Variants in EDARADD observed in about 807,000 individuals in gnomAD.
EDARADD encodes EDAR associated via death domain.
A neutral mutation model predicts 25.6 loss-of-function variants in EDARADD; 20 were observed. That is an observed-to-expected ratio of 0.78 (90% CI 0.55 to 1.14). EDARADD has a LOEUF of 1.14. Ranked by LOEUF, EDARADD falls within the 50% of genes most tolerant of loss-of-function variation. EDARADD has a pLI of 0.00. For synonymous variants in EDARADD, 86 were observed against 94.4 expected (o/e 0.91, Z 0.52); for missense variants, 225 against 270.1 (o/e 0.83, Z 1.17).
chr1:236,393,758 T>C (rs1176263644), upstream of EDARADD, among the ~76,000 whole-genome samples: 2 of 152,190 alleles, frequency 1.3e-5, no homozygotes, highest in South Asian at 2.1e-4. Context: ...AAATAAAAGT[T>C]GAAGGACATT....
Position 236,483,845 on chromosome 1 carries a change from G to A in EDARADD, c.*1196G>A. On this transcript the variant is annotated 3_prime_UTR_variant, in exon 6 of 6. Transcript: ENST00000334232. ...AGAATAAAGAAGGCCTGGAGCTGCTGAAGACTGCGATTGGGAAAGCTGGCT... is the reference window on the plus strand; with the variant it reads ...AGAATAAAGAAGGCCTGGAGCTGCTAAAGACTGCGATTGGGAAAGCTGGCT... 3 of 1,420,938 alleles carry A rather than the reference G, an allele frequency of 2.1e-6. No homozygotes were observed. Among genetic ancestry groups the A allele is most frequent in the Non-Finnish European group, 3.0e-6 (3 of 1,006,240 alleles). The allele number at this position is 1,420,938 out of a possible 1,614,324, so 88.0% of individuals were successfully genotyped here.
chr1:236,484,448 C>T lies in EDARADD; in HGVS notation c.*1799C>T. 5 of 1,609,366 alleles carry T rather than the reference C, an allele frequency of 3.1e-6. No homozygotes were observed. Among genetic ancestry groups the T allele is most frequent in the Non-Finnish European group, 4.2e-6 (5 of 1,177,860 alleles). On this transcript the variant is annotated 3_prime_UTR_variant, in exon 6 of 6. Coordinates refer to ENST00000334232, the MANE Select transcript of EDARADD (RefSeq NM_145861.4). This position sits in a 1 kb window ranked among gnomAD's most constrained non-coding sequence, Gnocchi z 4.1. ...AGGCTAAGTTTGCCGGCAGGAACTT[C>T]AGAAACCCCCCAGCCAAGTAAGCTG...
intron 3 of EDARADD, among the ~76,000 whole-genome samples, chr1:236,381,536 T>A (rs114646551): frequency 0.014 from 2,145 of 152,100 alleles, 52 homozygotes; most frequent in African/African-American, 0.048. Context: ...ATCTCCCTTC[T>A]AGGCTTTTGA....
intron 3 of EDARADD, among the ~76,000 whole-genome samples, chr1:236,363,053 G>A (rs535447113): frequency 1.4e-4 from 16 of 116,930 alleles, no homozygotes; most frequent in Non-Finnish European, 2.2e-4. Context: ...TACAGACAGA[G>A]TCTTGCTATG....
chr1:236,475,241 C>T (rs554138495), intron 5 of EDARADD, among the ~76,000 whole-genome samples: 1 of 152,278 alleles, frequency 6.6e-6, no homozygotes, highest in Non-Finnish European at 1.5e-5. Context: ...CTTTCTCTCC[C>T]CTCTCCGAGG....
intron 4 of EDARADD, among the ~76,000 whole-genome samples, chr1:236,454,193 A>C: frequency 6.6e-6 from 1 of 152,072 alleles, no homozygotes; most frequent in African/African-American, 2.4e-5. Context: ...CTACAGGCGT[A>C]TGCTACCACA....
At chr1:236,467,390 TCTC>T (rs1282948428) in intron 4 of EDARADD, among the ~76,000 whole-genome samples, 5 of 150,564 alleles carry the variant, frequency 3.3e-5, no homozygotes, top group African/African-American at 7.3e-5. Context: ...CTGGGACTGG[TCTC>T]CTCTGCTGAC....
chr1:236,456,290 C>T (rs1424800516), intron 4 of EDARADD, among the ~76,000 whole-genome samples: 1 of 152,172 alleles, frequency 6.6e-6, no homozygotes, highest in Admixed American at 6.5e-5. Context: ...ATTTACCTAC[C>T]TTCCCAGCAG....
intron 3 of EDARADD, among the ~76,000 whole-genome samples, chr1:236,357,485 A>G (rs1414377864): frequency 6.6e-6 from 1 of 152,168 alleles, no homozygotes; most frequent in Non-Finnish European, 1.5e-5. Flanking sequence ...GCATTACTAT[A>G]AAGAAATACC....
chr1:236,471,877 CG>C lies in EDARADD; in HGVS notation c.265+3602del, dbSNP rs1409500155. On this transcript the variant is annotated intron_variant, in intron 5 of 5. Coordinates refer to ENST00000334232, the MANE Select transcript of EDARADD (RefSeq NM_145861.4). ...CTGCTGCCAACATCCTGACTGGAGCCGTTTCTACGCCTAACTAATCATGACG... is the reference window on the plus strand; with the variant it reads ...CTGCTGCCAACATCCTGACTGGAGCCTTTCTACGCCTAACTAATCATGACG... Among the ~76,000 whole-genome samples the C allele has an allele frequency of 2.6e-5, 4 of 152,234 alleles. No individual in the cohort carries two copies. The East Asian group carries it at 7.7e-4, about 29-fold the overall frequency.
intron 1 of EDARADD, among the ~76,000 whole-genome samples, chr1:236,399,557 C>T (rs1667579064): frequency 6.6e-6 from 1 of 152,150 alleles, no homozygotes; most frequent in African/African-American, 2.4e-5. Context: ...GTCACAGTCA[C>T]ATGGAAGGAA....
At chr1:236,363,000 A>ATATATAT (rs1158321993) in intron 3 of EDARADD, among the ~76,000 whole-genome samples, 4 of 57,294 alleles carry the variant, frequency 7.0e-5, no homozygotes, top group African/African-American at 7.5e-5. Flanking sequence ...AAAAAAAAAA[A>ATATATAT]AAAAAAATAT....
intron 3 of EDARADD, among the ~76,000 whole-genome samples, chr1:236,386,926 G>C (rs1405953268): frequency 1.9e-4 from 13 of 68,706 alleles, no homozygotes; most frequent in South Asian, 8.1e-4. Flanking sequence ...GAGGTGGGGG[G>C]GTCAGCCCCC....
intron 1 of EDARADD, among the ~76,000 whole-genome samples, chr1:236,400,861 C>T (rs1030973430): frequency 6.6e-6 from 1 of 151,846 alleles, no homozygotes; most frequent in Non-Finnish European, 1.5e-5. Flanking sequence ...CACCCCACCT[C>T]CAAGCCTTTT....
At chr1:236,416,876 G>A (rs767973432) in intron 3 of EDARADD, among the ~76,000 whole-genome samples, 22 of 152,128 alleles carry the variant, frequency 1.4e-4, no homozygotes, top group Non-Finnish European at 2.4e-4. Flanking sequence ...GTTTATGGCC[G>A]GGTGCCATGG....
At chr1:236,409,087 A>G in intron 1 of EDARADD, 129 bp from the exon 2 acceptor site, 4 of 456,900 alleles carry the variant, frequency 8.8e-6, no homozygotes, top group East Asian at 3.8e-5. Context: ...AAAAAAAAAA[A>G]GGAGTAAGGT....
intron 4 of EDARADD, among the ~76,000 whole-genome samples, chr1:236,445,813 G>C (rs983713394): frequency 4.6e-5 from 7 of 152,202 alleles, no homozygotes; most frequent in African/African-American, 1.2e-4. Context: ...TAGACCATCT[G>C]TTCATGTTCC....
intron 3 of EDARADD, among the ~76,000 whole-genome samples, chr1:236,381,794 G>T (rs1449394700): frequency 7.6e-4 from 25 of 32,984 alleles, no homozygotes; most frequent in Admixed American, 1.7e-3. Flanking sequence ...TTTTCTTCCT[G>T]TGGTTGCTTT....
At chr1:236,420,821 A>AACCTCTGC (rs572326029) in intron 3 of EDARADD, among the ~76,000 whole-genome samples, 10,701 of 141,644 alleles carry the variant, frequency 0.076, 582 homozygotes, top group Middle Eastern at 0.12. Flanking sequence ...GGCTCACTGC[A>AACCTCTGC]CTCCTGAGTT....
Sources: gnomAD v4.1 joint callset for allele counts (sites outside exome capture counted in the v4.1 genomes callset) on GRCh38, gnomAD v4.1.1 for gene constraint, Gnocchi (gnomAD v3.1) non-coding constraint, MANE v1.5 for transcripts, NCBI Gene and HGNC (gene_info 2026-07-23, HGNC 2026-07-21) for gene names.